Variants in KANK1 observed in about 807,000 individuals in gnomAD.
The protein encoded by KANK1 is KN motif and ankyrin repeat domain-containing protein 1.
In KANK1, 109 loss-of-function variants were observed where a neutral mutation model predicts 106.2. The ratio of observed to expected loss-of-function variants is 1.03; its 90% CI spans 0.88 to 1.20. The LOEUF (loss-of-function observed/expected upper bound fraction) is 1.20, where lower values mean the gene tolerates loss of function less well. KANK1 is among the 50% of genes most tolerant of loss of function. KANK1 has a pLI of 0.00. For missense variants in KANK1, 2,399 were observed against 1,710.7 expected (o/e 1.40, Z -7.10); for synonymous variants, 873 against 652.2 (o/e 1.34, Z -5.16).
At chr9:565,222 A>G (rs1001818707) in intron 1 of KANK1, among the ~76,000 whole-genome samples, 1 of 152,198 alleles carries the variant, frequency 6.6e-6, no homozygotes, top group African/African-American at 2.4e-5. Context: ...TTTCCCACCC[A>G]TTCAACTCCC....
At chr9:709,231 A>C (rs1236796226) in intron 2 of KANK1, among the ~76,000 whole-genome samples, 1 of 152,210 alleles carries the variant, frequency 6.6e-6, no homozygotes, top group African/African-American at 2.4e-5. Context: ...GAGAAGTGGA[A>C]AACACAAAAT....
chr9:662,665 A>ATTTTTTTTTT (rs34481151), intron 1 of KANK1, among the ~76,000 whole-genome samples: 11 of 141,778 alleles, frequency 7.8e-5, no homozygotes, highest in South Asian at 4.5e-4. Flanking sequence ...ACAAAAGTTA[A>ATTTTTTTTTT]TTTTTTTTTT....
chr9:688,948 G>A (rs1434475014), intron 2 of KANK1, among the ~76,000 whole-genome samples: 3 of 152,164 alleles, frequency 2.0e-5, no homozygotes, highest in African/African-American at 7.2e-5. Flanking sequence ...GTTTTCTTGG[G>A]AAGGTCTCTA....
At chr9:571,821 T>A (rs1370101159) in intron 1 of KANK1, among the ~76,000 whole-genome samples, 1 of 152,216 alleles carries the variant, frequency 6.6e-6, no homozygotes, top group Non-Finnish European at 1.5e-5. Context: ...GCACATAGAT[T>A]ATTCAGAGAG....
chr9:629,815 C>G (rs1019256136), intron 1 of KANK1, among the ~76,000 whole-genome samples: 1 of 152,212 alleles, frequency 6.6e-6, no homozygotes, highest in African/African-American at 2.4e-5. Context: ...ATCAGTGATT[C>G]AGGGAGAGGA....
chr9:693,656 A>AT (rs1162428517), intron 2 of KANK1: 7 of 985,246 alleles, frequency 7.1e-6, no homozygotes, highest in Non-Finnish European at 7.2e-6. Flanking sequence ...AATGGGTATA[A>AT]ATAAATTCTC....
At chr9:694,878 A>C (rs1316514498) in intron 2 of KANK1, among the ~76,000 whole-genome samples, 1 of 152,128 alleles carries the variant, frequency 6.6e-6, no homozygotes, top group Non-Finnish European at 1.5e-5. Context: ...GGAAGACTGC[A>C]GGCTCTGTCT....
At chr9:691,301 ATT>A (rs57321445) in intron 2 of KANK1, among the ~76,000 whole-genome samples, 2 of 150,160 alleles carry the variant, frequency 1.3e-5, no homozygotes. Flanking sequence ...AATGTAGCAG[ATT>A]TTTTTTTTTG....
At chr9:737,462 T>A (rs145888942) in intron 7 of KANK1, among the ~76,000 whole-genome samples, 1 of 152,194 alleles carries the variant, frequency 6.6e-6, no homozygotes, top group Non-Finnish European at 1.5e-5. Flanking sequence ...TGAAGGCCCA[T>A]TGAAAAGACA....
chr9:487,074 T>A (rs1472750970), intron 3 of KANK1, among the ~76,000 whole-genome samples: 1 of 152,224 alleles, frequency 6.6e-6, no homozygotes, highest in Non-Finnish European at 1.5e-5. Flanking sequence ...AAGAAAGATA[T>A]GCTGAATTTT....
At chr9:691,711 T>G (rs1256286969) in intron 2 of KANK1, among the ~76,000 whole-genome samples, 1 of 142,304 alleles carries the variant, frequency 7.0e-6, no homozygotes, top group African/African-American at 2.6e-5. Flanking sequence ...CCTCCCAGGC[T>G]CAAGTAATCC....
intron 1 of KANK1, among the ~76,000 whole-genome samples, chr9:589,549 A>G (rs1824320441): frequency 6.6e-6 from 1 of 151,936 alleles, no homozygotes; most frequent in South Asian, 2.1e-4. Flanking sequence ...AAGAAAGGGA[A>G]AAACAGGGGG....
chr9:605,528 T>G (rs1041087943), intron 1 of KANK1, among the ~76,000 whole-genome samples: 2 of 151,588 alleles, frequency 1.3e-5, no homozygotes, highest in African/African-American at 4.9e-5. Context: ...GTAGACAGAA[T>G]GATCAGCCTG....
At chr9:714,891 G>A (rs991247909) in intron 3 of KANK1, among the ~76,000 whole-genome samples, 9 of 152,080 alleles carry the variant, frequency 5.9e-5, no homozygotes, top group African/African-American at 1.2e-4. Context: ...CCTGGCTTCC[G>A]TTTCTGGCTC....
rs530472623 is a variant in KANK1, at chr9:644,878, C to A, written c.-83-32012C>A. On this transcript the variant is annotated intron_variant, in intron 1 of 11. Transcript: ENST00000382297. The stretch of plus-strand genomic sequence containing the variant: ...GCTCACGCCTGTAATCCCAGCACTT[C>A]GGGAGGCCGAGGTGGGCGGATTGCC... 2.0e-5 allele frequency among the ~76,000 whole-genome samples: 3 copies of A among 150,724 alleles called. No individual in the cohort carries two copies. In the East Asian group the frequency reaches 5.8e-4, roughly 29 times the overall value.
At chr9:706,988 C>T (rs1824414062) in intron 2 of KANK1, 1 of 985,440 alleles carries the variant, frequency 1.0e-6, no homozygotes, top group Non-Finnish European at 1.2e-6. Context: ...CAGAAGATAC[C>T]GGTTTCCTGT....
At chr9:663,437 A>G (rs9407343) in intron 1 of KANK1, among the ~76,000 whole-genome samples, 28,124 of 152,206 alleles carry the variant, frequency 0.18, 3,008 homozygotes, top group East Asian at 0.32. Context: ...AAAGCAAATC[A>G]GTAAATACTG....
chr9:536,867 C>T (rs977943998), intron 1 of KANK1, among the ~76,000 whole-genome samples: 2 of 152,202 alleles, frequency 1.3e-5, no homozygotes, highest in Admixed American at 6.5e-5. Flanking sequence ...TCTTAGTTCG[C>T]AGTCGGCACC....
intron 1 of KANK1, among the ~76,000 whole-genome samples, chr9:511,418 C>G (rs1443914443): frequency 6.6e-6 from 1 of 152,156 alleles, no homozygotes; most frequent in Non-Finnish European, 1.5e-5. Flanking sequence ...TACTTTTAAT[C>G]TAGGATCTGT....
Sources: gnomAD v4.1 joint callset for allele counts (sites outside exome capture counted in the v4.1 genomes callset) on GRCh38, gnomAD v4.1.1 for gene constraint, MANE v1.5 for transcripts, NCBI Gene and HGNC (gene_info 2026-07-23, HGNC 2026-07-21) for gene names.